Variants in MALL observed in about 807,000 individuals in gnomAD.
MALL encodes the protein MAL-like protein.
A neutral mutation model predicts 10.3 loss-of-function variants in MALL; 2 were observed. The observed-to-expected ratio is 0.19, with a 90% CI of 0.08 to 0.61. MALL has a LOEUF of 0.61. Ranked by LOEUF, MALL falls within the 20% of genes least tolerant of loss-of-function variation. The pLI, the probability that MALL is intolerant of heterozygous loss-of-function variation, is 0.88. For missense variants in MALL, 39 were observed against 115.2 expected (o/e 0.34, Z 3.03); for synonymous variants, 27 against 51.8 (o/e 0.52, Z 2.05).
intron 1 of MALL, among the ~76,000 whole-genome samples, chr2:110,102,711 G>C (rs1432927284): frequency 6.6e-5 from 10 of 152,080 alleles, no homozygotes; most frequent in Non-Finnish European, 1.5e-4. Flanking sequence ...CCTATTTCCT[G>C]CTCCATCACC....
chr2:110,101,776 T>C (rs1299493424), intron 1 of MALL, among the ~76,000 whole-genome samples: 3 of 152,176 alleles, frequency 2.0e-5, no homozygotes, highest in Non-Finnish European at 4.4e-5. Flanking sequence ...CACATAAAAT[T>C]GACTAATGAG....
At chr2:110,107,615 G>T (rs1305114954) in intron 1 of MALL, among the ~76,000 whole-genome samples, 1 of 152,146 alleles carries the variant, frequency 6.6e-6, no homozygotes, top group Non-Finnish European at 1.5e-5. Context: ...CACTCTGGTG[G>T]AAGACAAAGG....
At chr2:110,112,783 C>A (rs1574038095) in intron 1 of MALL, among the ~76,000 whole-genome samples, 1 of 151,728 alleles carries the variant, frequency 6.6e-6, no homozygotes, top group African/African-American at 2.4e-5. Flanking sequence ...TACTTGCACA[C>A]ACATGTTTAT....
At chr2:110,105,751 G>T (rs533493812) in intron 1 of MALL, among the ~76,000 whole-genome samples, 1 of 152,310 alleles carries the variant, frequency 6.6e-6, no homozygotes, top group South Asian at 2.1e-4. Context: ...AGGGGAAGAT[G>T]CCTGCCTTAA....
At chr2:110,109,574 A>C (rs1022401238) in intron 1 of MALL, among the ~76,000 whole-genome samples, 2 of 152,190 alleles carry the variant, frequency 1.3e-5, no homozygotes, top group Admixed American at 1.3e-4. Context: ...TAGACCTAAG[A>C]AATGAGATAG....
At chr2:110,096,828 T>G (rs912522879) in intron 1 of MALL, among the ~76,000 whole-genome samples, 2 of 151,982 alleles carry the variant, frequency 1.3e-5, no homozygotes, top group African/African-American at 2.4e-5. Flanking sequence ...ACCTCCAGGT[T>G]AAATAACTGT....
chr2:110,105,064 T>C (rs1678659697), intron 1 of MALL, among the ~76,000 whole-genome samples: 1 of 152,198 alleles, frequency 6.6e-6, no homozygotes, highest in Admixed American at 6.5e-5. Context: ...AGCTGTCTTA[T>C]AGGATCCTTG....
intron 1 of MALL, among the ~76,000 whole-genome samples, chr2:110,113,047 T>C (rs536046969): frequency 6.6e-6 from 1 of 151,990 alleles, no homozygotes; most frequent in African/African-American, 2.4e-5. Context: ...CTCACTGATA[T>C]GTGGGAGCTA....
chr2:110,098,222 T>C (rs1162323523), intron 1 of MALL, among the ~76,000 whole-genome samples: 1 of 151,652 alleles, frequency 6.6e-6, no homozygotes, highest in Non-Finnish European at 1.5e-5. Flanking sequence ...TGTGGTTAAA[T>C]ACATATAACA....
At chr2:110,117,172 C>G (rs149179143), upstream of MALL, among the ~76,000 whole-genome samples, 508 of 152,208 alleles carry the variant, frequency 3.3e-3, 4 homozygotes, top group African/African-American at 0.012. Flanking sequence ...ACCTGCCAAC[C>G]CCAGTCTCAC....
intron 1 of MALL, among the ~76,000 whole-genome samples, chr2:110,108,515 G>C (rs946751867): frequency 6.6e-6 from 1 of 151,802 alleles, no homozygotes; most frequent in Non-Finnish European, 1.5e-5. Flanking sequence ...GAAAATATGA[G>C]CAAAGCCTCC....
intron 1 of MALL, among the ~76,000 whole-genome samples, chr2:110,112,295 T>A (rs1227589799): frequency 6.6e-6 from 1 of 152,036 alleles, no homozygotes; most frequent in Non-Finnish European, 1.5e-5. Context: ...AGTAAACAGA[T>A]AACCCACAGA....
chr2:110,112,364 A>G (rs1678823303), intron 1 of MALL, among the ~76,000 whole-genome samples: 2 of 152,186 alleles, frequency 1.3e-5, no homozygotes, highest in Non-Finnish European at 2.9e-5. Context: ...CAGAATCTAC[A>G]AGGAAGTCAA....
intron 1 of MALL, among the ~76,000 whole-genome samples, chr2:110,105,093 C>T (rs1292453343): frequency 6.6e-6 from 1 of 152,204 alleles, no homozygotes; most frequent in Non-Finnish European, 1.5e-5. Context: ...TATTGTTACT[C>T]TTTCCATTGT....
chr2:110,097,929 AGAG>A (rs1478955552), intron 1 of MALL, among the ~76,000 whole-genome samples: 7 of 152,146 alleles, frequency 4.6e-5, no homozygotes, highest in Middle Eastern at 3.4e-3. Context: ...CTTCAGGCTG[AGAG>A]AAAAAGACCC....
chr2:110,103,490 A>G (rs1460233162), intron 1 of MALL, among the ~76,000 whole-genome samples: 1 of 152,108 alleles, frequency 6.6e-6, no homozygotes, highest in Non-Finnish European at 1.5e-5. Flanking sequence ...CAATCTGGAC[A>G]ACACTCTAGG....
intron 1 of MALL, among the ~76,000 whole-genome samples, chr2:110,103,646 C>T (rs1188861761): frequency 1.3e-5 from 2 of 152,184 alleles, no homozygotes; most frequent in African/African-American, 2.4e-5. Context: ...GTCAGACTGC[C>T]CGGGGCCTCT....
intron 1 of MALL, 97 bp downstream of exon 1, chr2:110,115,591 C>G: frequency 2.0e-6 from 1 of 495,518 alleles, no homozygotes; most frequent in Non-Finnish European, 3.0e-6. Context: ...TCTTCTCGGT[C>G]CGGTCTGGGT....
chr2:110,101,614 G>A (rs745498058), intron 1 of MALL, among the ~76,000 whole-genome samples: 3 of 152,062 alleles, frequency 2.0e-5, no homozygotes, highest in Non-Finnish European at 4.4e-5. Flanking sequence ...TGGGATGGGC[G>A]CACCAGAGTG....
Sources: gnomAD v4.1 joint callset for allele counts (sites outside exome capture counted in the v4.1 genomes callset) on GRCh38, gnomAD v4.1.1 for gene constraint, MANE v1.5 for transcripts, NCBI Gene and HGNC (gene_info 2026-07-23, HGNC 2026-07-21) for gene names.